Variants in PRELID2 observed in about 807,000 individuals in gnomAD.
PRELID2 encodes PRELI domain-containing protein 2.
In PRELID2, 25 loss-of-function variants were observed where a neutral mutation model predicts 28.4. That is an observed-to-expected ratio of 0.88 (90% CI 0.64 to 1.23). The LOEUF is 1.23. PRELID2 is among the 50% of genes most tolerant of loss of function. The probability of loss-of-function intolerance (pLI) is 0.00; values close to 1 mark genes in which losing one functional copy is unlikely to be tolerated. For synonymous variants in PRELID2, 76 were observed against 71.6 expected, an observed-to-expected ratio of 1.06 and a Z score of -0.31; for missense variants, 201 against 214.4, an observed-to-expected ratio of 0.94 and a Z score of 0.39.
chr5:145,504,864 T>C (rs1009194933), intron 1 of PRELID2, among the ~76,000 whole-genome samples: 1 of 152,166 alleles, frequency 6.6e-6, no homozygotes, highest in Non-Finnish European at 1.5e-5. Flanking sequence ...GGATGGTGCC[T>C]ACCCAGCTGA....
chr5:145,432,763 A>C, the PRELID2 span, among the ~76,000 whole-genome samples: 1 of 152,326 alleles, frequency 6.6e-6, no homozygotes, highest in African/African-American at 2.4e-5. Context: ...AGCCATAAGC[A>C]TGAAAATCCA....
chr5:145,507,506 T>C (rs1049448161), intron 1 of PRELID2, among the ~76,000 whole-genome samples: 1 of 152,138 alleles, frequency 6.6e-6, no homozygotes, highest in African/African-American at 2.4e-5. Context: ...AGAAGGGATA[T>C]GTGTTTTCCA....
chr5:145,658,867 A>T (rs1283239837), intron 1 of PRELID2, among the ~76,000 whole-genome samples: 1 of 152,254 alleles, frequency 6.6e-6, no homozygotes, highest in Non-Finnish European at 1.5e-5. Context: ...GGATAAGGAA[A>T]AATAAAACAG....
chr5:145,674,202 G>A (rs542143785), intron 1 of PRELID2, among the ~76,000 whole-genome samples: 28 of 152,190 alleles, frequency 1.8e-4, no homozygotes, highest in African/African-American at 6.3e-4. Context: ...GGGTACATGC[G>A]CACAACGTGC....
intron 1 of PRELID2, among the ~76,000 whole-genome samples, chr5:145,713,222 A>G (rs76976628): frequency 2.6e-5 from 4 of 151,392 alleles, no homozygotes; most frequent in East Asian, 3.9e-4. Context: ...AATAAAAAAC[A>G]TACCTAGACA....
At chr5:145,493,732 C>T (rs1339818806) in intron 1 of PRELID2, among the ~76,000 whole-genome samples, 1 of 152,046 alleles carries the variant, frequency 6.6e-6, no homozygotes, top group Admixed American at 6.6e-5. Flanking sequence ...TTTCCTTTTC[C>T]TTCCCCACCA....
chr5:145,248,792 T>G, the PRELID2 span, among the ~76,000 whole-genome samples: 8 of 152,074 alleles, frequency 5.3e-5, no homozygotes, highest in East Asian at 1.6e-3. Context: ...CGAGATTCTA[T>G]CTCAAAAAAG....
intron 1 of PRELID2, among the ~76,000 whole-genome samples, chr5:145,634,067 C>T (rs1226415426): frequency 6.6e-6 from 1 of 152,152 alleles, no homozygotes; most frequent in East Asian, 1.9e-4. Context: ...TGCACATCAG[C>T]AGGGTGAGGA....
intron 4 of PRELID2, among the ~76,000 whole-genome samples, chr5:145,800,335 C>CAT (rs10677473): frequency 0.018 from 2,651 of 150,252 alleles, 98 homozygotes; most frequent in African/African-American, 0.061. Flanking sequence ...CACACACACA[C>CAT]GAGTTATCCC....
At chr5:145,256,482 A>G in the PRELID2 span, among the ~76,000 whole-genome samples, 1 of 152,060 alleles carries the variant, frequency 6.6e-6, no homozygotes, top group Non-Finnish European at 1.5e-5. Flanking sequence ...AAAGTCTGCC[A>G]ATTAATAACC....
chr5:145,351,735 C>T, the PRELID2 span, among the ~76,000 whole-genome samples: 24 of 152,144 alleles, frequency 1.6e-4, no homozygotes, highest in Non-Finnish European at 3.2e-4. Flanking sequence ...GTCCCTTCTA[C>T]CTATGAGCCT....
the PRELID2 span, among the ~76,000 whole-genome samples, chr5:145,449,034 A>ACC: frequency 6.6e-6 from 1 of 152,114 alleles, no homozygotes; most frequent in Non-Finnish European, 1.5e-5. Context: ...CTCAAAGAAC[A>ACC]CCATCTGCTG....
intron 1 of PRELID2, among the ~76,000 whole-genome samples, chr5:145,610,970 C>A (rs957889663): frequency 1.4e-5 from 2 of 147,208 alleles, no homozygotes; most frequent in Admixed American, 6.8e-5. Flanking sequence ...AAATATATTT[C>A]TTTATATATT....
intron 5 of PRELID2, among the ~76,000 whole-genome samples, chr5:145,781,600 T>C (rs551842179): frequency 6.8e-6 from 1 of 147,788 alleles, no homozygotes; most frequent in Non-Finnish European, 1.5e-5. Context: ...ATATAGTATA[T>C]CTATATACAC....
At chr5:145,390,696 A>G in the PRELID2 span, among the ~76,000 whole-genome samples, 2 of 152,136 alleles carry the variant, frequency 1.3e-5, no homozygotes, top group African/African-American at 4.8e-5. Context: ...TCCCTTTCTA[A>G]CAAGCTCCCA....
intron 1 of PRELID2, among the ~76,000 whole-genome samples, chr5:145,491,980 T>G (rs34610852): frequency 0.14 from 20,923 of 152,234 alleles, 1,879 homozygotes; most frequent in East Asian, 0.27. Flanking sequence ...GTTTGGCTAT[T>G]GTGAATAGTG....
intron 1 of PRELID2, among the ~76,000 whole-genome samples, chr5:145,622,802 A>G (rs2149652903): frequency 6.6e-6 from 1 of 152,210 alleles, no homozygotes; most frequent in Non-Finnish European, 1.5e-5. Context: ...ACAAAAAAAG[A>G]CAGTAGGAAA....
chr5:145,730,614 C>T (rs1316818187), intron 1 of PRELID2, among the ~76,000 whole-genome samples: 1 of 152,198 alleles, frequency 6.6e-6, no homozygotes, highest in Non-Finnish European at 1.5e-5. Context: ...CACATCATAT[C>T]ACATCGCAAC....
At chr5:145,754,212 T>C (rs1757198516), downstream of PRELID2, 1 of 152,266 alleles carries the variant, frequency 6.6e-6, no homozygotes, top group Non-Finnish European at 1.5e-5. Context: ...CCCTTCTGTA[T>C]ATAAGGCTGG....
Sources: allele counts gnomAD v4.1 joint callset (sites outside exome capture counted in the v4.1 genomes callset), GRCh38; gene constraint gnomAD v4.1.1; transcripts MANE v1.5; gene names NCBI Gene and HGNC (gene_info 2026-07-23, HGNC 2026-07-21).